MARCHF5: variants seen among roughly 807,000 people sequenced by gnomAD.
MARCHF5 encodes the protein membrane associated ring-CH-type finger 5.
In MARCHF5, 5 loss-of-function variants were observed where a neutral mutation model predicts 36.5. The observed-to-expected ratio is 0.14, with a 90% CI of 0.07 to 0.29. MARCHF5 has a LOEUF of 0.29. Ranked by LOEUF, MARCHF5 falls within the 10% of genes least tolerant of loss-of-function variation. The pLI is 1.00. For synonymous variants in MARCHF5, 103 were observed against 109.9 expected, an observed-to-expected ratio of 0.94 and a Z score of 0.39; for missense variants, 179 against 336.3, an observed-to-expected ratio of 0.53 and a Z score of 3.66.
At chr10:92,316,721 C>T (rs1375111382) in intron 2 of MARCHF5, among the ~76,000 whole-genome samples, 3 of 142,544 alleles carry the variant, frequency 2.1e-5, no homozygotes, top group Non-Finnish European at 4.8e-5. Flanking sequence ...TGCCACCACA[C>T]CCAGCTAATT....
intron 2 of MARCHF5, among the ~76,000 whole-genome samples, chr10:92,316,956 G>A (rs1171155555): frequency 6.6e-6 from 1 of 152,048 alleles, no homozygotes; most frequent in Non-Finnish European, 1.5e-5. Flanking sequence ...AATACCAACT[G>A]AAAAAAGTTT....
chr10:92,324,797 C>T (rs945425705), intron 2 of MARCHF5, among the ~76,000 whole-genome samples: 9 of 151,688 alleles, frequency 5.9e-5, no homozygotes, highest in Non-Finnish European at 5.9e-5. Context: ...TGTAAATTTC[C>T]CAGATGTCCT....
rs117999995 is a variant in MARCHF5 at position 92,337,054 on chromosome 10, G to A, written c.239-3619G>A. Reference sequence around the variant, plus strand: ...AGAGGACTGCTTGAGCCCAGGAGGCGGAAATTACAGTGAGCCAAGATGACG... The same window carrying A: ...AGAGGACTGCTTGAGCCCAGGAGGCAGAAATTACAGTGAGCCAAGATGACG... On this transcript the variant is annotated intron_variant, in intron 2 of 5. Coordinates refer to ENST00000358935, the MANE Select transcript of MARCHF5 (RefSeq NM_017824.5). Among the ~76,000 whole-genome samples the A allele has an allele frequency of 8.7e-3, 1,322 of 151,494 alleles. 18 individuals carry two copies. The highest frequency in any genetic ancestry group is 0.064 in the East Asian group (328 of 5,100).
At chr10:92,326,833 A>C (rs551164018) in intron 2 of MARCHF5, among the ~76,000 whole-genome samples, 29 of 151,420 alleles carry the variant, frequency 1.9e-4, no homozygotes, top group Non-Finnish European at 3.2e-4. Context: ...TTTTTCCCCC[A>C]GGTAATGCAT....
chr10:92,349,733 G>C lies in MARCHF5; in HGVS notation c.616G>C (p.Ala206Pro). The stretch of plus-strand genomic sequence containing the variant: ...CAATCCTTTAGCAGATCATGTCTCT[G>C]CTACTCGAATCTTGTGTGGAGCCCT... ...EANPLADHVS[A>P]TRILCGALVF... The change falls in exon 5 of 6, where the codon GCT becomes CCT. Residue 206 changes from alanine (A) to proline (P), a missense_variant. Coordinates refer to ENST00000358935, the MANE Select transcript of MARCHF5 (RefSeq NM_017824.5). 6.2e-7 allele frequency: 1 copy of C among 1,614,128 alleles called. No individual in the cohort carries two copies. Among genetic ancestry groups the C allele is most frequent in the Non-Finnish European group, 8.5e-7 (1 of 1,180,008 alleles).
Position 92,346,900 on chromosome 10 carries a change from A to G in MARCHF5, c.370-2449A>G, listed in dbSNP as rs117734720. The stretch of plus-strand genomic sequence containing the variant: ...TATACCTGAATATTCACTCTTCTTT[A>G]TATTTCTAAACCCAAAAAAAGGACA... On this transcript the variant is annotated intron_variant, in intron 3 of 5. Transcript: ENST00000358935. 7.8e-3 allele frequency among the ~76,000 whole-genome samples: 1,194 copies of G among 152,194 alleles called. 12 individuals carry two copies. The highest frequency in any genetic ancestry group is 0.011 in the Non-Finnish European group (727 of 68,000).
intron 2 of MARCHF5, among the ~76,000 whole-genome samples, chr10:92,323,062 G>A (rs1843311079): frequency 6.6e-6 from 1 of 151,832 alleles, no homozygotes; most frequent in East Asian, 1.9e-4. Context: ...TTTCAGTCTT[G>A]CCATGTTGCT....
At chr10:92,335,240 T>C (rs1388573793) in intron 2 of MARCHF5, among the ~76,000 whole-genome samples, 1 of 152,198 alleles carries the variant, frequency 6.6e-6, no homozygotes, top group African/African-American at 2.4e-5. Context: ...GCAATAAGAA[T>C]CTAATAAATG....
At chr10:92,326,543 A>T (rs978119810) in intron 2 of MARCHF5, among the ~76,000 whole-genome samples, 5 of 152,222 alleles carry the variant, frequency 3.3e-5, no homozygotes, top group African/African-American at 1.2e-4. Flanking sequence ...GTGAATTTGA[A>T]TTAATTTGAG....
chr10:92,302,438 CT>C (rs1564942999), intron 1 of MARCHF5, among the ~76,000 whole-genome samples: 25 of 60,988 alleles, frequency 4.1e-4, no homozygotes, highest in Admixed American at 9.9e-4. Flanking sequence ...TTTCTTTTTT[CT>C]TTTTTTTTCT....
intron 1 of MARCHF5, 58 bp downstream of exon 1, chr10:92,291,587 C>T (rs947787166): frequency 2.0e-6 from 3 of 1,473,428 alleles, no homozygotes; most frequent in African/African-American, 1.5e-5. Context: ...GCCCTGCCCG[C>T]GCCCGCCCTC....
intron 2 of MARCHF5, among the ~76,000 whole-genome samples, chr10:92,319,332 G>A (rs1207197883): frequency 1.5e-5 from 2 of 132,178 alleles, no homozygotes; most frequent in Non-Finnish European, 3.1e-5. Context: ...TTTCGCTCTT[G>A]TCGCCCAGGC....
chr10:92,342,012 C>T (rs1392123873), intron 3 of MARCHF5, among the ~76,000 whole-genome samples: 1 of 151,954 alleles, frequency 6.6e-6, no homozygotes, highest in East Asian at 1.9e-4. Context: ...TGATCTCAAA[C>T]TCCTGGGCTC....
intron 2 of MARCHF5, among the ~76,000 whole-genome samples, chr10:92,316,875 A>C (rs1285820805): frequency 6.6e-6 from 1 of 152,184 alleles, no homozygotes; most frequent in Non-Finnish European, 1.5e-5. Flanking sequence ...TGAAATGTGC[A>C]TTTTAATGAG....
chr10:92,320,216 G>A (rs1254406274), intron 2 of MARCHF5, among the ~76,000 whole-genome samples: 4 of 86,966 alleles, frequency 4.6e-5, no homozygotes, highest in Non-Finnish European at 8.7e-5. Context: ...ACCAAACCTG[G>A]CTAATTTTTT....
chr10:92,294,951 AT>A (rs1842930504), intron 1 of MARCHF5, among the ~76,000 whole-genome samples: 1 of 152,116 alleles, frequency 6.6e-6, no homozygotes, highest in Non-Finnish European at 1.5e-5. Flanking sequence ...AGGTGGAAGG[AT>A]TCCTTGGGGG....
At chr10:92,296,417 C>G (rs1378087122) in intron 1 of MARCHF5, among the ~76,000 whole-genome samples, 5 of 152,106 alleles carry the variant, frequency 3.3e-5, no homozygotes, top group African/African-American at 1.2e-4. Context: ...TTCTGTCTTT[C>G]ATTGCTTCAA....
At chr10:92,334,089 C>T (rs1349503795) in intron 2 of MARCHF5, among the ~76,000 whole-genome samples, 2 of 152,150 alleles carry the variant, frequency 1.3e-5, no homozygotes, top group African/African-American at 4.8e-5. Context: ...ACTTGGGAGG[C>T]TGAGGTGGGA....
chr10:92,316,526 C>T (rs976911879), intron 2 of MARCHF5, among the ~76,000 whole-genome samples: 4 of 152,134 alleles, frequency 2.6e-5, no homozygotes, highest in African/African-American at 9.7e-5. Context: ...CCACCCCCTT[C>T]CTCCACCCCA....
Sources: allele counts gnomAD v4.1 joint callset (sites outside exome capture counted in the v4.1 genomes callset), GRCh38; gene constraint gnomAD v4.1.1; transcripts MANE v1.5; gene names NCBI Gene and HGNC (gene_info 2026-07-23, HGNC 2026-07-21).